Variants in CRISP1 observed in about 807,000 individuals in gnomAD.
CRISP1 encodes cysteine-rich secretory protein 1.
Under a neutral mutation model 33.1 loss-of-function variants are expected in CRISP1, and 44 were observed. The ratio of observed to expected loss-of-function variants is 1.33; its 90% CI spans 1.05 to 1.71. The LOEUF is 1.71. Among genes scored for constraint, CRISP1 ranks in the 40% most tolerant of loss-of-function variants. CRISP1 has a pLI of 0.00. For synonymous variants in CRISP1, 103 were observed against 98.7 expected, an observed-to-expected ratio of 1.04 and a Z score of -0.26; for missense variants, 390 against 301.2, an observed-to-expected ratio of 1.29 and a Z score of -2.18.
In CRISP1 at chr6:49,835,231, C is replaced by A; in HGVS notation, c.*85G>T. Reference sequence around the variant, plus strand: ...TAAAATCAGTGAAATTTAGCAGAAGCTACTGAACTATAGCAAAAGACATGA... The same window carrying A: ...TAAAATCAGTGAAATTTAGCAGAAGATACTGAACTATAGCAAAAGACATGA... On this transcript the variant is annotated 3_prime_UTR_variant, in exon 8 of 8. Transcript: ENST00000335847. The A allele has an allele frequency of 1.4e-6, 2 of 1,413,954 alleles. No individual in the cohort carries two copies. Among genetic ancestry groups the A allele is most frequent in the Non-Finnish European group, 1.9e-6 (2 of 1,035,340 alleles). The allele number at this position is 1,413,954 out of a possible 1,614,324, so 87.6% of individuals were successfully genotyped here. A position where few individuals can be genotyped will look rare whatever the true frequency, so the allele number is the denominator to read the frequency against.
intron 1 of CRISP1, among the ~76,000 whole-genome samples, chr6:49,872,170 ATG>A (rs1395341189): frequency 6.6e-6 from 1 of 152,040 alleles, no homozygotes; most frequent in Non-Finnish European, 1.5e-5. Flanking sequence ...GCATTTTTTC[ATG>A]TGTCTTTGGG....
At chr6:49,842,015 C>T (rs1163162113) in intron 5 of CRISP1, among the ~76,000 whole-genome samples, 2 of 152,170 alleles carry the variant, frequency 1.3e-5, no homozygotes, top group Admixed American at 1.3e-4. Flanking sequence ...TAGAGACTTT[C>T]CTCACATTTC....
At chr6:49,840,077 A>T (rs1369545176) in intron 6 of CRISP1, among the ~76,000 whole-genome samples, 2 of 152,200 alleles carry the variant, frequency 1.3e-5, no homozygotes, top group Admixed American at 6.5e-5. Flanking sequence ...GCTGAAGGAG[A>T]TATATGATGG....
At chr6:49,837,777 A>G (rs1328610993) in intron 7 of CRISP1, among the ~76,000 whole-genome samples, 2 of 152,144 alleles carry the variant, frequency 1.3e-5, no homozygotes, top group Non-Finnish European at 2.9e-5. Flanking sequence ...GATTATTCCT[A>G]GAAATTAAGA....
chr6:49,844,634 C>A (rs1771100818), intron 5 of CRISP1, among the ~76,000 whole-genome samples: 1 of 131,276 alleles, frequency 7.6e-6, no homozygotes, highest in South Asian at 2.2e-4. Context: ...GCCCACAGAG[C>A]CATGGGTGAT....
intron 2 of CRISP1, among the ~76,000 whole-genome samples, chr6:49,854,128 A>G (rs567460947): frequency 1.3e-5 from 2 of 152,222 alleles, no homozygotes; most frequent in African/African-American, 4.8e-5. Flanking sequence ...AGCTGCTTCA[A>G]CTGTCTCACC....
chr6:49,848,938 G>T lies in CRISP1; in HGVS notation c.196-639C>A, dbSNP rs529698405. ...AAATATTATATCCATTTGTAAATAA[G>T]GGAAATAAGGCACAGAGATGTTAAG... is the stretch of plus-strand genomic sequence containing the variant. On this transcript the variant is annotated intron_variant, in intron 3 of 7. Coordinates refer to ENST00000335847, the MANE Select transcript of CRISP1 (RefSeq NM_001131.3). Among the ~76,000 whole-genome samples the T allele has an allele frequency of 3.3e-5, 5 of 152,200 alleles. No homozygotes were observed. The South Asian group carries it at 1.0e-3, about 32-fold the overall frequency.
intron 4 of CRISP1, 97 bp downstream of exon 4, chr6:49,848,112 A>G: frequency 1.5e-6 from 1 of 649,390 alleles, no homozygotes; most frequent in East Asian, 2.7e-5. Flanking sequence ...GGAAATCTAG[A>G]TGACTTAATT....
chr6:49,870,722 A>G (rs1771902851), upstream of CRISP1, among the ~76,000 whole-genome samples: 3 of 152,188 alleles, frequency 2.0e-5, no homozygotes, highest in Admixed American at 6.6e-5. Flanking sequence ...TCCTTGAGTT[A>G]TGAAGGATAT....
At chr6:49,866,372 T>C (rs1325089622) in intron 1 of CRISP1, 57 bp downstream of exon 1, 4 of 152,168 alleles carry the variant, frequency 2.6e-5, no homozygotes, top group African/African-American at 4.8e-5. Context: ...TTTTGGGTAG[T>C]CACTTATGAA....
At chr6:49,841,457 C>T (rs1341705397) in intron 5 of CRISP1, among the ~76,000 whole-genome samples, 1 of 152,090 alleles carries the variant, frequency 6.6e-6, no homozygotes. Context: ...CCTTTCTGTA[C>T]ATGGGCCGTA....
At position 49,843,614 on chromosome 6, in the gene CRISP1, G is replaced by A. The variant is rs150178136; in HGVS notation, c.436-2619C>T. Among the ~76,000 whole-genome samples the A allele has an allele frequency of 1.5e-3, 225 of 152,310 alleles. 1 individual carries two copies. Among genetic ancestry groups the A allele is most frequent in the Middle Eastern group, 0.01 (3 of 294 alleles). ...TCTGTGGTTTAAGTCATTCAGGAAT[G>A]TGATATTTTGTTATGGTAGACTGAG... is the stretch of plus-strand genomic sequence containing the variant. On this transcript the variant is annotated intron_variant, in intron 5 of 7. Transcript: ENST00000335847.
Position 49,857,330 on chromosome 6 carries a change from C to A in CRISP1, c.66+5G>T. 1 of 1,612,108 alleles carries A rather than the reference C, an allele frequency of 6.2e-7. No individual in the cohort carries two copies. Among genetic ancestry groups the A allele is most frequent in the Non-Finnish European group, 8.5e-7 (1 of 1,178,602 alleles). On this transcript the variant is annotated splice_donor_5th_base_variant and intron_variant, in intron 2 of 7. Coordinates refer to ENST00000335847, the MANE Select transcript of CRISP1 (RefSeq NM_001131.3). ...GTAATTATGAAACATCCAACCCTCA[C>A]ATACTTTCATGGACAACATAGGCAG...
intron 7 of CRISP1, 131 bp from the exon 8 acceptor site, chr6:49,835,574 A>T: frequency 4.8e-6 from 4 of 835,812 alleles, no homozygotes; most frequent in Non-Finnish European, 7.2e-6. Flanking sequence ...AATTAGCATA[A>T]GCTAACTAAA....
At chr6:49,837,642 C>T (rs911263765) in intron 7 of CRISP1, among the ~76,000 whole-genome samples, 3 of 152,014 alleles carry the variant, frequency 2.0e-5, no homozygotes, top group Non-Finnish European at 4.4e-5. Flanking sequence ...CTTTAAAAGA[C>T]AATAAAGTAA....
upstream of CRISP1, among the ~76,000 whole-genome samples, chr6:49,871,321 G>A (rs1272278076): frequency 6.6e-6 from 1 of 152,020 alleles, no homozygotes; most frequent in African/African-American, 2.4e-5. Flanking sequence ...TGATCACATG[G>A]CTTCAGGAAA....
intron 1 of CRISP1, among the ~76,000 whole-genome samples, chr6:49,865,478 A>AT (rs1373867231): frequency 2.0e-5 from 3 of 152,156 alleles, no homozygotes; most frequent in Non-Finnish European, 4.4e-5. Flanking sequence ...GTGCAGTCAT[A>AT]TTTCTTCCAA....
chr6:49,844,173 C>A (rs1364220551), intron 5 of CRISP1, among the ~76,000 whole-genome samples: 2 of 152,074 alleles, frequency 1.3e-5, no homozygotes, highest in Non-Finnish European at 2.9e-5. Context: ...CTAAGGATGT[C>A]GCTGAACAAC....
intron 6 of CRISP1, among the ~76,000 whole-genome samples, chr6:49,839,427 G>A (rs11752877): frequency 0.19 from 28,634 of 151,846 alleles, 3,455 homozygotes; most frequent in Non-Finnish European, 0.26. Context: ...CTCCAGCCTG[G>A]GTGACAGAAC....
Sources: allele counts gnomAD v4.1 joint callset (sites outside exome capture counted in the v4.1 genomes callset), GRCh38; gene constraint gnomAD v4.1.1; transcripts MANE v1.5; gene names NCBI Gene and HGNC (gene_info 2026-07-23, HGNC 2026-07-21).